The following KCNU1 variants were observed in gnomAD, a reference collection of about 807,000 sequenced individuals.
KCNU1 encodes potassium channel subfamily U member 1.
In KCNU1, 93 loss-of-function variants were observed where a neutral mutation model predicts 126.8. The observed-to-expected ratio is 0.73, with a 90% confidence interval of 0.62 to 0.87. The LOEUF is 0.87. Ranked by LOEUF, KCNU1 falls within the 40% of genes least tolerant of loss-of-function variation. The probability of loss-of-function intolerance (pLI) is 0.00; values close to 1 mark genes in which losing one functional copy is unlikely to be tolerated. For synonymous variants in KCNU1, 523 were observed against 494.2 expected (o/e 1.06, Z -0.77); for missense variants, 1,330 against 1,367.1 (o/e 0.97, Z 0.43).
At chr8:36,894,960 A>T (rs1807126892) in intron 19 of KCNU1, among the ~76,000 whole-genome samples, 1 of 152,124 alleles carries the variant, frequency 6.6e-6, no homozygotes, top group Non-Finnish European at 1.5e-5. Context: ...TCAATGGTGA[A>T]TTTTATTAGC....
intron 22 of KCNU1, among the ~76,000 whole-genome samples, chr8:36,914,750 G>A (rs1484177914): frequency 6.6e-6 from 1 of 152,114 alleles, no homozygotes; most frequent in Non-Finnish European, 1.5e-5. Context: ...GGCAAACCTA[G>A]GTACTGAACT....
chr8:36,835,716 G>C (rs113012611), intron 12 of KCNU1, among the ~76,000 whole-genome samples: 96 of 152,248 alleles, frequency 6.3e-4, no homozygotes, highest in African/African-American at 2.3e-3. Context: ...TAGCAAGAAC[G>C]TGACTTGTGA....
intron 22 of KCNU1, among the ~76,000 whole-genome samples, chr8:36,916,396 GAGAA>G (rs1370618018): frequency 6.7e-6 from 1 of 150,002 alleles, no homozygotes; most frequent in Non-Finnish European, 1.5e-5. Context: ...TGAGGAAGGG[GAGAA>G]AGAAAGGAAG....
intron 21 of KCNU1, among the ~76,000 whole-genome samples, chr8:36,910,155 A>G (rs895432787): frequency 6.6e-6 from 1 of 152,152 alleles, no homozygotes; most frequent in Admixed American, 6.6e-5. Context: ...AAAGCATTTC[A>G]TTTTCATGAG....
chr8:36,901,070 G>GAA (rs796730578), intron 19 of KCNU1, among the ~76,000 whole-genome samples: 1 of 148,146 alleles, frequency 6.8e-6, no homozygotes, highest in African/African-American at 2.5e-5. Context: ...GTCTACAAAA[G>GAA]AAAAAAAAAA....
intron 19 of KCNU1, among the ~76,000 whole-genome samples, chr8:36,899,884 T>C (rs1807348106): frequency 1.3e-5 from 2 of 152,276 alleles, no homozygotes; most frequent in South Asian, 4.1e-4. Flanking sequence ...TATCGCCATT[T>C]GGGCAACAGA....
chr8:36,871,670 A>G (rs1806108382), intron 19 of KCNU1, among the ~76,000 whole-genome samples: 1 of 152,160 alleles, frequency 6.6e-6, no homozygotes, highest in East Asian at 1.9e-4. Flanking sequence ...GAGTCTGTGG[A>G]CAGGTCTTTT....
At chr8:36,829,405 G>A (rs144972151) in intron 10 of KCNU1, among the ~76,000 whole-genome samples, 155 of 150,530 alleles carry the variant, frequency 1.0e-3, no homozygotes, top group African/African-American at 3.1e-3. Context: ...AATTTTTTTC[G>A]TCATTTATGT....
intron 25 of KCNU1, among the ~76,000 whole-genome samples, 156 bp downstream of exon 25, chr8:36,931,301 G>A (rs1303536080): frequency 6.6e-6 from 1 of 152,006 alleles, no homozygotes; most frequent in Non-Finnish European, 1.5e-5. Flanking sequence ...ATTATTCATA[G>A]AGTATTTTAC....
At chr8:36,864,157 C>T (rs1215909689) in intron 18 of KCNU1, among the ~76,000 whole-genome samples, 1 of 152,092 alleles carries the variant, frequency 6.6e-6, no homozygotes, top group Non-Finnish European at 1.5e-5. Flanking sequence ...TAGAAAGGTG[C>T]AGCAGCTATT....
rs765551359 is a variant in KCNU1, at chr8:36,812,378, C to CAAA, written c.733-1812_733-1810dup. 6.1e-4 allele frequency among the ~76,000 whole-genome samples: 51 copies of CAAA among 83,552 alleles called. 1 individual carries two copies. The highest frequency in any genetic ancestry group is 3.5e-3 in the South Asian group (9 of 2,598). The allele number at this position is 83,552 out of a possible 152,430, so 54.8% of individuals were successfully genotyped here. ...CTGAGTGACAGAGCAAGACTCCTCT[C>CAAA]AAAAAAAAAAAAAAAAAAAGTAGTG... On this transcript the variant is annotated intron_variant, in intron 7 of 26. Transcript: ENST00000399881.
intron 18 of KCNU1, among the ~76,000 whole-genome samples, chr8:36,853,444 T>G (rs571887659): frequency 6.6e-6 from 1 of 152,366 alleles, no homozygotes; most frequent in East Asian, 1.9e-4. Flanking sequence ...GTTATGTTTT[T>G]ATTTTCATTA....
intron 10 of KCNU1, among the ~76,000 whole-genome samples, chr8:36,823,768 A>C (rs926153699): frequency 6.6e-6 from 1 of 152,112 alleles, no homozygotes; most frequent in African/African-American, 2.4e-5. Flanking sequence ...TGGACTATAG[A>C]AAAAATATGC....
chr8:36,859,947 A>G (rs1196732717), intron 18 of KCNU1, among the ~76,000 whole-genome samples: 2 of 152,232 alleles, frequency 1.3e-5, no homozygotes, highest in African/African-American at 4.8e-5. Context: ...TGCATATATG[A>G]TAATTATTAT....
At chr8:36,830,262 A>G (rs1337408740) in intron 10 of KCNU1, among the ~76,000 whole-genome samples, 1 of 151,638 alleles carries the variant, frequency 6.6e-6, no homozygotes, top group Non-Finnish European at 1.5e-5. Context: ...GTTGAAAAAG[A>G]GCAGTGATGA....
intron 18 of KCNU1, among the ~76,000 whole-genome samples, chr8:36,858,403 T>C (rs960467333): frequency 6.6e-6 from 1 of 152,088 alleles, no homozygotes; most frequent in Non-Finnish European, 1.5e-5. Context: ...TGGATGAGTC[T>C]GACTAAATAG....
chr8:36,808,070 T>C (rs1385630830), intron 6 of KCNU1, among the ~76,000 whole-genome samples: 2 of 152,076 alleles, frequency 1.3e-5, no homozygotes, highest in Non-Finnish European at 2.9e-5. Context: ...AGAGGCCAGG[T>C]GGATTTCACT....
In KCNU1 at chr8:36,787,322, G is replaced by T. The variant is rs771900066; in HGVS notation, c.212G>T (p.Gly71Val). The T allele has an allele frequency of 5.0e-6, 8 of 1,610,678 alleles. No individual in the cohort carries two copies. Among genetic ancestry groups the T allele is most frequent in the Non-Finnish European group, 6.8e-6 (8 of 1,178,140 alleles). ...TGIILELFTS[G>V]TIARSHVRSL... ...TGATTGTAGGAACTGTTCACATCAG[G>T]TACCATCGCTAGGAGCCATGTAAGA... is the stretch of plus-strand genomic sequence containing the variant. Residue 71 changes from glycine (G) to valine (V), a missense_variant, in exon 2 of 27, where the codon GGT becomes GTT. Around this residue, in one of 3 missense-constraint regions of KCNU1, gnomAD observed 247 missense variants for 255.4 expected, o/e 0.97. Transcript: ENST00000399881.
intron 22 of KCNU1, among the ~76,000 whole-genome samples, chr8:36,916,970 C>G (rs1045184859): frequency 6.6e-6 from 1 of 152,072 alleles, no homozygotes; most frequent in Non-Finnish European, 1.5e-5. Context: ...CATAGCATTC[C>G]CTCTGGAAAC....
Sources: allele counts gnomAD v4.1 joint callset (sites outside exome capture counted in the v4.1 genomes callset), GRCh38; gene constraint gnomAD v4.1.1; regional missense constraint gnomAD v4.1.1; transcripts MANE v1.5; gene names NCBI Gene and HGNC (gene_info 2026-07-23, HGNC 2026-07-21).